The following UBE3A variants were observed in gnomAD, a reference collection of about 807,000 sequenced individuals.
UBE3A encodes the protein ubiquitin protein ligase E3A.
UBE3A carries 6 observed loss-of-function variants against 83.4 expected under a neutral mutation model. The ratio of observed to expected loss-of-function variants is 0.07; its 90% CI spans 0.04 to 0.14. UBE3A has a LOEUF of 0.14. UBE3A is among the 10% of genes least tolerant of loss of function. The pLI, the probability that UBE3A is intolerant of heterozygous loss-of-function variation, is 1.00. For missense variants in UBE3A, 456 were observed against 1,036.1 expected, an observed-to-expected ratio of 0.44 and a Z score of 7.69; for synonymous variants, 337 against 355.4, an observed-to-expected ratio of 0.95 and a Z score of 0.58.
intron 6 of UBE3A, among the ~76,000 whole-genome samples, chr15:25,364,682 C>T (rs1479720290): frequency 5.8e-5 from 8 of 138,702 alleles, no homozygotes; most frequent in South Asian, 4.4e-4. Flanking sequence ...CTCGCTCTGT[C>T]GCCCAGGCTG....
intron 1 of UBE3A, among the ~76,000 whole-genome samples, chr15:25,431,851 T>C (rs1410250026): frequency 6.6e-6 from 1 of 152,200 alleles, no homozygotes; most frequent in Non-Finnish European, 1.5e-5. Context: ...AATCCTTATT[T>C]ATGGCACGCT....
At chr15:25,382,479 A>G (rs927056059) in intron 4 of UBE3A, among the ~76,000 whole-genome samples, 1 of 152,048 alleles carries the variant, frequency 6.6e-6, no homozygotes, top group Non-Finnish European at 1.5e-5. Context: ...GTCATATTTC[A>G]CAGTTAGAAA....
intron 6 of UBE3A, among the ~76,000 whole-genome samples, chr15:25,364,730 G>T (rs1042087991): frequency 1.4e-5 from 2 of 145,126 alleles, no homozygotes; most frequent in Non-Finnish European, 3.0e-5. Context: ...TGCAAGCCCC[G>T]CCTCCCAGGT....
intron 3 of UBE3A, chr15:25,408,368 A>G (rs1052194321): frequency 1.8e-6 from 1 of 570,170 alleles, no homozygotes; most frequent in African/African-American, 1.9e-5. Flanking sequence ...CATATAACCT[A>G]ATTCAAAACA....
At chr15:25,437,925 T>A (rs550268246) in intron 1 of UBE3A, 1 of 152,142 alleles carries the variant, frequency 6.6e-6, no homozygotes, top group Admixed American at 6.5e-5. Flanking sequence ...AGCCAATAAC[T>A]CACGTTCAAC....
intron 1 of UBE3A, chr15:25,412,976 G>T (rs886403042): frequency 2.3e-6 from 1 of 434,562 alleles, no homozygotes; most frequent in Non-Finnish European, 4.6e-6. Flanking sequence ...ACCCAAGAAC[G>T]CAGAAATGAA....
intron 11 of UBE3A, among the ~76,000 whole-genome samples, chr15:25,341,004 G>A (rs1297407102): frequency 6.6e-6 from 1 of 152,102 alleles, no homozygotes; most frequent in Non-Finnish European, 1.5e-5. Flanking sequence ...CTCATAAAGT[G>A]CAATCTTGAA....
intron 1 of UBE3A, among the ~76,000 whole-genome samples, chr15:25,428,299 T>C (rs1036633117): frequency 1.3e-5 from 2 of 152,164 alleles, no homozygotes; most frequent in Admixed American, 6.6e-5. Context: ...TAAAAAATCC[T>C]AACTCCTTTC....
intron 1 of UBE3A, among the ~76,000 whole-genome samples, chr15:25,424,867 A>C (rs1414835189): frequency 2.0e-5 from 3 of 152,188 alleles, no homozygotes; most frequent in Admixed American, 2.0e-4. Context: ...ATTAAAGAAC[A>C]CCTTAATAAA....
rs966827328 is a variant in UBE3A, at chr15:25,337,861, T to G, written c.*1276A>C. On this transcript the variant is annotated 3_prime_UTR_variant, in exon 13 of 13. Coordinates refer to ENST00000648336, the MANE Select transcript of UBE3A (RefSeq NM_130839.5). ...AGAAGACTAGGAAAGGGGAAACTAC[T>G]TACTTCTGGAAATCAGTAATGTAAA... The G allele has an allele frequency of 4.6e-5, 7 of 152,204 alleles. No individual in the cohort carries two copies. The highest frequency in any genetic ancestry group is 1.7e-4 in the African/African-American group (7 of 41,466). 9.4% of individuals were successfully genotyped at this position (152,204 alleles called of 1,614,324 possible).
intron 1 of UBE3A, among the ~76,000 whole-genome samples, chr15:25,421,643 G>A (rs1430338498): frequency 3.9e-5 from 6 of 152,144 alleles, no homozygotes; most frequent in Admixed American, 3.9e-4. Context: ...TAGTGGTGAT[G>A]GCTGCAGAAT....
intron 1 of UBE3A, among the ~76,000 whole-genome samples, chr15:25,426,813 T>A (rs1047358820): frequency 6.6e-6 from 1 of 151,618 alleles, no homozygotes; most frequent in Non-Finnish European, 1.5e-5. Context: ...AATATTTCAA[T>A]GTGGCTGGTT....
chr15:25,400,621 A>T (rs1349894706), intron 4 of UBE3A, among the ~76,000 whole-genome samples: 1 of 152,212 alleles, frequency 6.6e-6, no homozygotes, highest in Non-Finnish European at 1.5e-5. Context: ...ATTTGTCATT[A>T]ATGTACAGAA....
chr15:25,427,705 C>T (rs1015463998), intron 1 of UBE3A, among the ~76,000 whole-genome samples: 6 of 140,866 alleles, frequency 4.3e-5, no homozygotes, highest in African/African-American at 1.3e-4. Flanking sequence ...GCAAGACTAT[C>T]GCTTGAGGCC....
intron 1 of UBE3A, among the ~76,000 whole-genome samples, chr15:25,426,826 A>AAT (rs887183717): frequency 3.3e-5 from 5 of 149,370 alleles, no homozygotes; most frequent in African/African-American, 1.2e-4. Context: ...GGCTGGTTAT[A>AAT]ATTTTTTTTT....
At chr15:25,350,148 C>T (rs1400249993) in intron 11 of UBE3A, among the ~76,000 whole-genome samples, 1 of 152,072 alleles carries the variant, frequency 6.6e-6, no homozygotes, top group Non-Finnish European at 1.5e-5. Flanking sequence ...GTAGTACCAG[C>T]TACTCAGAGG....
chr15:25,397,514 A>T (rs2085860221), intron 4 of UBE3A, among the ~76,000 whole-genome samples: 1 of 151,948 alleles, frequency 6.6e-6, no homozygotes, highest in South Asian at 2.1e-4. Flanking sequence ...ATCTTCAACT[A>T]CTTTACATAA....
chr15:25,417,526 T>A (rs1018607322), intron 1 of UBE3A, among the ~76,000 whole-genome samples: 1 of 151,408 alleles, frequency 6.6e-6, no homozygotes, highest in African/African-American at 2.4e-5. Context: ...AGTGAAAAAA[T>A]TCAAGAAATC....
Position 25,355,948 on chromosome 15 carries a change from T to A in UBE3A, c.2068A>T (p.Met690Leu), listed in dbSNP as rs1338192792. Residue 690 changes from methionine (M) to leucine (L), a missense_variant, in exon 9 of 13, where the codon ATG becomes TTG. By Grantham distance (15) the Met-to-Leu change is conservative. Around this residue, in one of 13 missense-constraint regions of UBE3A, gnomAD observed 82 missense variants for 199.3 expected, o/e 0.41. Transcript: ENST00000648336. ...TCACCATTTTCCTTTAGATCATACATCATTGGGTTACCAAAAAGATCTGTC... is the reference window on the plus strand; with the variant it reads ...TCACCATTTTCCTTTAGATCATACAACATTGGGTTACCAAAAAGATCTGTC... Reference protein sequence around the residue: ...SQTDLFGNPMMYDLKENGDKI... With the variant: ...SQTDLFGNPMLYDLKENGDKI... 7 of 1,613,746 alleles carry A rather than the reference T, an allele frequency of 4.3e-6. No homozygotes were observed. Among genetic ancestry groups the A allele is most frequent in the South Asian group, 3.3e-5 (3 of 91,064 alleles).
Sources: allele counts gnomAD v4.1 joint callset (sites outside exome capture counted in the v4.1 genomes callset), GRCh38; gene constraint gnomAD v4.1.1; regional missense constraint gnomAD v4.1.1; transcripts MANE v1.5; gene names NCBI Gene and HGNC (gene_info 2026-07-23, HGNC 2026-07-21).